The following MRPL1 variants were observed in gnomAD, a reference collection of about 807,000 sequenced individuals.
MRPL1 encodes mitochondrial ribosomal protein L1, also known as large ribosomal subunit protein uL1m.
In MRPL1, 28 loss-of-function variants were observed where a neutral mutation model predicts 38.0. That is an observed-to-expected ratio of 0.74 (90% CI 0.55 to 1.01). The LOEUF is 1.01. MRPL1 is among the 50% of genes least tolerant of loss of function. The pLI is 0.00. For missense variants in MRPL1, 358 were observed against 389.8 expected, an observed-to-expected ratio of 0.92 and a Z score of 0.69; for synonymous variants, 123 against 126.7, an observed-to-expected ratio of 0.97 and a Z score of 0.20.
At chr4:77,905,114 C>T (rs1003110507) in intron 6 of MRPL1, among the ~76,000 whole-genome samples, 5 of 152,102 alleles carry the variant, frequency 3.3e-5, no homozygotes, top group African/African-American at 9.7e-5. Flanking sequence ...GAACCTGTAT[C>T]CATAATATAT....
intron 5 of MRPL1, among the ~76,000 whole-genome samples, chr4:77,890,942 A>G (rs1180652912): frequency 1.3e-5 from 2 of 152,202 alleles, no homozygotes; most frequent in African/African-American, 4.8e-5. Context: ...AACTGGGCTC[A>G]TCCTTTGAGG....
At chr4:77,871,611 C>T (rs1033109962) in intron 1 of MRPL1, 133 bp from the exon 2 acceptor site, 7 of 535,640 alleles carry the variant, frequency 1.3e-5, no homozygotes, top group African/African-American at 1.0e-4. Context: ...GCTATTATTA[C>T]ACTTTTAAAA....
At chr4:77,871,695 A>G (rs748467708) in intron 1 of MRPL1, 49 bp from the exon 2 acceptor site, 1 of 836,544 alleles carries the variant, frequency 1.2e-6, no homozygotes, top group Admixed American at 2.8e-5. Context: ...AAAAATTATG[A>G]ATATAATGAT....
At chr4:77,870,744 A>G (rs752431049) in intron 1 of MRPL1, among the ~76,000 whole-genome samples, 1 of 152,218 alleles carries the variant, frequency 6.6e-6, no homozygotes, top group Non-Finnish European at 1.5e-5. Context: ...GGAAGACTTT[A>G]CTTTTGTAAT....
chr4:77,886,167 C>G (rs1178429797), intron 4 of MRPL1, among the ~76,000 whole-genome samples: 1 of 151,996 alleles, frequency 6.6e-6, no homozygotes, highest in Non-Finnish European at 1.5e-5. Context: ...ATTGAAAATT[C>G]ATGCATTCAG....
rs549738873 is a variant in MRPL1, at chr4:77,936,207, G to A, written c.778-13590G>A. 1.1e-4 allele frequency among the ~76,000 whole-genome samples: 17 copies of A among 150,490 alleles called. No individual in the cohort carries two copies. The South Asian group carries it at 3.4e-3, about 30-fold the overall frequency. ...TAATTGCTATTATATATTGACTTTCGTATTCTTTTCCCTTTAACACTGTAT... is the reference window on the plus strand; with the variant it reads ...TAATTGCTATTATATATTGACTTTCATATTCTTTTCCCTTTAACACTGTAT... On this transcript the variant is annotated intron_variant, in intron 7 of 8. Transcript: ENST00000315567.
intron 7 of MRPL1, among the ~76,000 whole-genome samples, chr4:77,948,871 A>G (rs528950330): frequency 1.1e-3 from 160 of 151,860 alleles, no homozygotes; most frequent in African/African-American, 3.7e-3. Context: ...CCTGGGACCA[A>G]GCGATTCTCC....
At chr4:77,900,428 G>C (rs994853422) in intron 6 of MRPL1, among the ~76,000 whole-genome samples, 1 of 152,196 alleles carries the variant, frequency 6.6e-6, no homozygotes, top group African/African-American at 2.4e-5. Flanking sequence ...TATTGTAGAG[G>C]AATGAGGGAC....
At chr4:77,899,622 C>G (rs74548227) in intron 6 of MRPL1, among the ~76,000 whole-genome samples, 2,036 of 151,970 alleles carry the variant, frequency 0.013, 26 homozygotes, top group Middle Eastern at 0.075. Context: ...TGTATGCAGT[C>G]CTAACTCACC....
intron 2 of MRPL1, 48 bp from the exon 3 acceptor site, chr4:77,883,194 A>G: frequency 8.3e-7 from 1 of 1,207,278 alleles, no homozygotes; most frequent in Non-Finnish European, 1.1e-6. Flanking sequence ...TTTAAAAAAA[A>G]TCTCTTAGGA....
intron 2 of MRPL1, among the ~76,000 whole-genome samples, chr4:77,879,414 C>T (rs955399888): frequency 3.3e-5 from 5 of 151,812 alleles, no homozygotes; most frequent in African/African-American, 4.8e-5. Context: ...GAAACAAGGT[C>T]CAAAGTATAA....
At chr4:77,862,944 T>C in intron 1 of MRPL1, 65 bp downstream of exon 1, 1 of 1,595,060 alleles carries the variant, frequency 6.3e-7, no homozygotes, top group South Asian at 1.1e-5. Flanking sequence ...TGCAGCAGAG[T>C]GCAAGGCGGA....
chr4:77,936,011 AC>A (rs2110262136), intron 7 of MRPL1, among the ~76,000 whole-genome samples: 1 of 152,268 alleles, frequency 6.6e-6, no homozygotes, highest in African/African-American at 2.4e-5. Context: ...TAAATGCTAA[AC>A]TAAAACTAAT....
intron 2 of MRPL1, among the ~76,000 whole-genome samples, chr4:77,879,552 C>T (rs879719897): frequency 7.2e-5 from 11 of 152,136 alleles, no homozygotes; most frequent in Non-Finnish European, 1.3e-4. Flanking sequence ...AAATTAATTG[C>T]ATAGGTTCCA....
intron 5 of MRPL1, among the ~76,000 whole-genome samples, chr4:77,887,884 C>T (rs147444268): frequency 1.9e-3 from 282 of 152,082 alleles, no homozygotes; most frequent in East Asian, 8.3e-3. Context: ...TACTATTTTT[C>T]GCTTCTTTTT....
chr4:77,904,175 A>G (rs1417040563), intron 6 of MRPL1, among the ~76,000 whole-genome samples: 6 of 151,788 alleles, frequency 4.0e-5, no homozygotes, highest in Admixed American at 3.9e-4. Context: ...CAAGCCCAGG[A>G]GATTGAGGCT....
At chr4:77,940,324 G>A (rs1381001571) in intron 7 of MRPL1, among the ~76,000 whole-genome samples, 2 of 152,114 alleles carry the variant, frequency 1.3e-5, no homozygotes, top group South Asian at 2.1e-4. Flanking sequence ...AGAGGGTTGA[G>A]TTCTTGACTT....
intron 6 of MRPL1, 140 bp downstream of exon 6, chr4:77,894,390 G>T: frequency 1.8e-6 from 1 of 549,486 alleles, no homozygotes; most frequent in Non-Finnish European, 3.2e-6. Context: ...AGAACCTACG[G>T]GTTTGATTTT....
At chr4:77,879,128 A>T (rs2110233056) in intron 2 of MRPL1, among the ~76,000 whole-genome samples, 1 of 152,350 alleles carries the variant, frequency 6.6e-6, no homozygotes, top group East Asian at 1.9e-4. Flanking sequence ...TGAGAATCAC[A>T]GTATTTAAGG....
Sources: allele counts gnomAD v4.1 joint callset (sites outside exome capture counted in the v4.1 genomes callset), GRCh38; gene constraint gnomAD v4.1.1; transcripts MANE v1.5; gene names NCBI Gene and HGNC (gene_info 2026-07-23, HGNC 2026-07-21).